The following DDHD1 variants were observed in gnomAD, a reference collection of about 807,000 sequenced individuals.
DDHD1 encodes the protein DDHD domain containing 1, also known as phospholipase DDHD1.
Under a neutral mutation model 96.4 loss-of-function variants are expected in DDHD1, and 49 were observed. The observed-to-expected ratio is 0.51, with a 90% CI of 0.40 to 0.64. DDHD1 has a LOEUF of 0.64. Among genes scored for constraint, DDHD1 ranks in the 30% least tolerant of loss-of-function variants. The pLI, the probability that DDHD1 is intolerant of heterozygous loss-of-function variation, is 0.00. For missense variants in DDHD1, 1,106 were observed against 1,161.2 expected (o/e 0.95, Z 0.69); for synonymous variants, 442 against 446.5 (o/e 0.99, Z 0.13).
At chr14:53,152,130 C>CGGTGTAG in intron 1 of DDHD1, 131 bp downstream of exon 1, 2 of 883,970 alleles carry the variant, frequency 2.3e-6, no homozygotes, top group Non-Finnish European at 3.2e-6. Flanking sequence ...GCTCAATCTC[C>CGGTGTAG]ATCCTGCCCC....
In DDHD1 at chr14:53,037,370, C is replaced by T. The variant is rs1487275868; in HGVS notation, c.*9398G>A. On this transcript the variant is annotated 3_prime_UTR_variant, in exon 13 of 13. Transcript: ENST00000673822. ...GTGACTGAACTAATTTACATTCCCA[C>T]AACAGTGTATAAATGTTCTCTTTTC... 10 of 152,170 alleles carry T rather than the reference C, an allele frequency of 6.6e-5. No individual in the cohort carries two copies. Among genetic ancestry groups the T allele is most frequent in the Admixed American group, 6.6e-4 (10 of 15,258 alleles). 9.4% of individuals were successfully genotyped at this position (152,170 alleles called of 1,614,324 possible).
At position 53,059,294 on chromosome 14, in the gene DDHD1, G is replaced by C. The variant is rs146032344; in HGVS notation, c.1843-668C>G. 2.1e-3 allele frequency among the ~76,000 whole-genome samples: 323 copies of C among 152,016 alleles called. 1 individual carries two copies. The highest frequency in any genetic ancestry group is 7.4e-3 in the African/African-American group (305 of 41,484). On this transcript the variant is annotated intron_variant, in intron 8 of 12. Coordinates refer to ENST00000673822, the MANE Select transcript of DDHD1 (RefSeq NM_001160148.2). Reference sequence around the variant, plus strand: ...GAGTCTCGCTCTGTCACCCAGGCTGGAGTGCAGTAGTGCGATCTCAGCTCA... The same window carrying C: ...GAGTCTCGCTCTGTCACCCAGGCTGCAGTGCAGTAGTGCGATCTCAGCTCA...
intron 7 of DDHD1, 127 bp downstream of exon 7, chr14:53,062,814 CTA>C (rs1325131396): frequency 2.5e-5 from 23 of 924,308 alleles, no homozygotes; most frequent in Non-Finnish European, 3.6e-5. Context: ...ATTAGGCATG[CTA>C]TATAGTAATC....
intron 1 of DDHD1, among the ~76,000 whole-genome samples, chr14:53,132,864 G>A (rs930097077): frequency 5.3e-5 from 8 of 152,300 alleles, no homozygotes; most frequent in East Asian, 1.9e-4. Flanking sequence ...AGCAGCTAGC[G>A]TTCCAACTTC....
At chr14:53,124,526 C>T (rs563435083) in intron 1 of DDHD1, among the ~76,000 whole-genome samples, 1 of 152,196 alleles carries the variant, frequency 6.6e-6, no homozygotes, top group South Asian at 2.1e-4. Flanking sequence ...CAAAATATAA[C>T]TGGGATCGCA....
intron 4 of DDHD1, among the ~76,000 whole-genome samples, chr14:53,077,657 G>GTT (rs1341763453): frequency 1.1e-5 from 1 of 87,988 alleles, no homozygotes; most frequent in African/African-American, 3.6e-5. Context: ...AACTTCATTA[G>GTT]TTTTTGTTTT....
chr14:53,119,449 T>G lies in DDHD1; in HGVS notation c.839-15593A>C, dbSNP rs528608824. ...GAAAGAAAGAATCCTCCCTAACTCATTTTATGAGGCCAGCCTCATCCTGAA... is the reference window on the plus strand; with the variant it reads ...GAAAGAAAGAATCCTCCCTAACTCAGTTTATGAGGCCAGCCTCATCCTGAA... On this transcript the variant is annotated intron_variant, in intron 1 of 12. Coordinates refer to ENST00000673822, the MANE Select transcript of DDHD1 (RefSeq NM_001160148.2). Among the ~76,000 whole-genome samples, 7 of 152,326 alleles carry G rather than the reference T, an allele frequency of 4.6e-5. No homozygotes were observed. In the East Asian group the frequency reaches 1.2e-3, roughly 25 times the overall value.
chr14:53,077,565 C>A (rs1885076682), intron 4 of DDHD1, among the ~76,000 whole-genome samples: 1 of 151,962 alleles, frequency 6.6e-6, no homozygotes, highest in Admixed American at 6.6e-5. Flanking sequence ...TGATGCATAT[C>A]AATCCACTGT....
intron 1 of DDHD1, among the ~76,000 whole-genome samples, chr14:53,107,450 AT>A: frequency 6.6e-6 from 1 of 152,246 alleles, no homozygotes; most frequent in East Asian, 1.9e-4. Flanking sequence ...ATGGAGCAGG[AT>A]GGCTGGAGAC....
At chr14:53,104,723 C>T (rs1014839711) in intron 1 of DDHD1, among the ~76,000 whole-genome samples, 3 of 152,038 alleles carry the variant, frequency 2.0e-5, no homozygotes, top group African/African-American at 7.2e-5. Context: ...CTACAACTGT[C>T]AGCTAAACTA....
chr14:53,061,093 T>G, intron 8 of DDHD1, 33 bp downstream of exon 8: 1 of 1,567,600 alleles, frequency 6.4e-7, no homozygotes, highest in Non-Finnish European at 8.7e-7. Context: ...AATACTGAGA[T>G]CAATGTTGAA....
At chr14:53,120,277 C>G (rs538481464) in intron 1 of DDHD1, among the ~76,000 whole-genome samples, 49 of 152,204 alleles carry the variant, frequency 3.2e-4, no homozygotes, top group African/African-American at 1.2e-3. Context: ...GAACTACAAA[C>G]CACTGTTCAA....
At chr14:53,113,114 C>G (rs914859730) in intron 1 of DDHD1, among the ~76,000 whole-genome samples, 3 of 151,824 alleles carry the variant, frequency 2.0e-5, no homozygotes, top group Admixed American at 2.0e-4. Flanking sequence ...GGTGCACCAC[C>G]ACACCTGGCT....
intron 2 of DDHD1, among the ~76,000 whole-genome samples, chr14:53,098,132 G>A (rs1280608061): frequency 6.6e-6 from 1 of 151,884 alleles, no homozygotes; most frequent in African/African-American, 2.4e-5. Context: ...TCAAGTGCCA[G>A]AAAGCACTAT....
At chr14:53,089,948 G>T (rs1339854565) in intron 4 of DDHD1, among the ~76,000 whole-genome samples, 1 of 152,176 alleles carries the variant, frequency 6.6e-6, no homozygotes, top group Non-Finnish European at 1.5e-5. Context: ...CCTACAGAAT[G>T]GGAGAAAATT....
At chr14:53,082,440 AC>A (rs200407425) in intron 4 of DDHD1, among the ~76,000 whole-genome samples, 1 of 140,966 alleles carries the variant, frequency 7.1e-6, no homozygotes, top group East Asian at 2.0e-4. Context: ...TCTCCAAGAT[AC>A]CTTTTTTTTT....
chr14:53,143,342 G>A (rs1351347090), intron 1 of DDHD1, among the ~76,000 whole-genome samples: 1 of 152,218 alleles, frequency 6.6e-6, no homozygotes, highest in Admixed American at 6.5e-5. Context: ...TGTAAACCAT[G>A]TTTGTTAGAA....
At chr14:53,103,036 T>C (rs746698403) in intron 2 of DDHD1, 9 of 1,568,776 alleles carry the variant, frequency 5.7e-6, no homozygotes, top group African/African-American at 1.4e-5. Flanking sequence ...CTCACCAGAA[T>C]AGTTGATCCC....
At position 53,038,637 on chromosome 14, in the gene DDHD1, A is replaced by G. The variant is rs1307431130; in HGVS notation, c.*8131T>C. ...TCAATGCTGTCCTATCAAACTACCAACCTCATTTTTCACAGAGGTTGGAAC... is the reference window on the plus strand; with the variant it reads ...TCAATGCTGTCCTATCAAACTACCAGCCTCATTTTTCACAGAGGTTGGAAC... On this transcript the variant is annotated 3_prime_UTR_variant, in exon 13 of 13. Transcript: ENST00000673822. 1 of 152,114 alleles carries G rather than the reference A, an allele frequency of 6.6e-6. No homozygotes were observed. Among genetic ancestry groups the G allele is most frequent in the Non-Finnish European group, 1.5e-5 (1 of 68,010 alleles). The allele number at this position is 152,114 out of a possible 1,614,324, so 9.4% of individuals were successfully genotyped here. A position where few individuals can be genotyped will look rare whatever the true frequency, so the allele number is the denominator to read the frequency against.
Sources: allele counts gnomAD v4.1 joint callset (sites outside exome capture counted in the v4.1 genomes callset), GRCh38; gene constraint gnomAD v4.1.1; transcripts MANE v1.5; gene names NCBI Gene and HGNC (gene_info 2026-07-23, HGNC 2026-07-21).